Variants in UPP2 observed in about 807,000 individuals in gnomAD.
The protein encoded by UPP2 is UPase 2.
In UPP2, 23 loss-of-function variants were observed where a neutral mutation model predicts 26.7. The observed-to-expected ratio is 0.86, with a 90% CI of 0.62 to 1.22. UPP2 has a LOEUF of 1.22. UPP2 is among the 50% of genes most tolerant of loss of function. The pLI, the probability that UPP2 is intolerant of heterozygous loss-of-function variation, is 0.00. For missense variants in UPP2, 387 were observed against 396.7 expected (o/e 0.98, Z 0.21); for synonymous variants, 127 against 141.3 (o/e 0.90, Z 0.72).
chr2:158,068,660 G>A (rs757938426), intron 3 of UPP2, among the ~76,000 whole-genome samples: 5 of 149,804 alleles, frequency 3.3e-5, no homozygotes, highest in Non-Finnish European at 5.9e-5. Flanking sequence ...TGTGGGCCCA[G>A]CATATATTTG....
chr2:158,129,713 TA>T (rs35346642), intron 6 of UPP2, among the ~76,000 whole-genome samples: 4,849 of 146,360 alleles, frequency 0.033, 135 homozygotes, highest in East Asian at 0.15. Context: ...TAAACAGAGG[TA>T]AAAAAAAAAA....
intron 3 of UPP2, among the ~76,000 whole-genome samples, chr2:158,044,630 CTTAAA>C (rs1684125652): frequency 1.3e-5 from 2 of 152,104 alleles, no homozygotes; most frequent in African/African-American, 4.8e-5. Context: ...ATATAAAAGT[CTTAAA>C]TTAATGCTTA....
At chr2:158,059,276 C>A (rs560335654) in intron 3 of UPP2, among the ~76,000 whole-genome samples, 1 of 152,318 alleles carries the variant, frequency 6.6e-6, no homozygotes, top group Admixed American at 6.5e-5. Flanking sequence ...CAGCTCTAGC[C>A]ATATAATGAA....
At chr2:158,012,735 T>A (rs1228107535) in intron 2 of UPP2, among the ~76,000 whole-genome samples, 1 of 152,178 alleles carries the variant, frequency 6.6e-6, no homozygotes, top group Non-Finnish European at 1.5e-5. Flanking sequence ...TAGAAAATAC[T>A]AATACATAGA....
At chr2:158,000,899 A>G (rs889226486) in intron 2 of UPP2, among the ~76,000 whole-genome samples, 1 of 152,266 alleles carries the variant, frequency 6.6e-6, no homozygotes, top group African/African-American at 2.4e-5. Flanking sequence ...TGGATAAAAA[A>G]TTCTAAAATA....
chr2:158,120,355 T>C (rs62177927), intron 4 of UPP2, among the ~76,000 whole-genome samples: 69,231 of 151,804 alleles, frequency 0.46, 17,241 homozygotes, highest in Non-Finnish European at 0.54. Context: ...AAAACTTTAT[T>C]TACAAAGACA....
At chr2:158,046,378 C>T (rs542414878) in intron 3 of UPP2, among the ~76,000 whole-genome samples, 2 of 152,312 alleles carry the variant, frequency 1.3e-5, no homozygotes, top group South Asian at 2.1e-4. Flanking sequence ...TACAACTTCA[C>T]TTTTTACTCT....
intron 1 of UPP2, among the ~76,000 whole-genome samples, chr2:158,102,357 A>C (rs1410330439): frequency 6.6e-6 from 1 of 152,190 alleles, no homozygotes; most frequent in Non-Finnish European, 1.5e-5. Context: ...AAAATGGGGC[A>C]AAATAAATTA....
At chr2:158,115,298 G>A in intron 3 of UPP2, 39 bp downstream of exon 3, 1 of 1,527,604 alleles carries the variant, frequency 6.5e-7, no homozygotes, top group South Asian at 1.3e-5. Context: ...GTCATTGCAG[G>A]CTAGAGAAAA....
chr2:158,030,559 G>A (rs1683907209), intron 3 of UPP2, among the ~76,000 whole-genome samples: 1 of 152,104 alleles, frequency 6.6e-6, no homozygotes, highest in Non-Finnish European at 1.5e-5. Context: ...TTTCTGTTTG[G>A]GCAGAAACTT....
chr2:158,029,992 A>G (rs1683900685), intron 3 of UPP2, among the ~76,000 whole-genome samples: 1 of 152,202 alleles, frequency 6.6e-6, no homozygotes, highest in South Asian at 2.1e-4. Flanking sequence ...TTTTGAAAAC[A>G]CAAAATAGCA....
At chr2:158,109,819 T>A (rs1158079778) in intron 2 of UPP2, among the ~76,000 whole-genome samples, 1 of 152,220 alleles carries the variant, frequency 6.6e-6, no homozygotes, top group Non-Finnish European at 1.5e-5. Flanking sequence ...CCTTAGAAGT[T>A]ATCTATTCAA....
At position 158,128,676 on chromosome 2, in the gene UPP2, C is replaced by T. The variant is rs1683742849; in HGVS notation, c.811+4781C>T. Reference sequence around the variant, plus strand: ...TGACTCAGGCAGCTTTGCACCCTGCCTGCCATTTCTTGCCAGCAGCCTCCG... The same window carrying T: ...TGACTCAGGCAGCTTTGCACCCTGCTTGCCATTTCTTGCCAGCAGCCTCCG... On this transcript the variant is annotated intron_variant, in intron 6 of 6. Transcript: ENST00000005756. Among the ~76,000 whole-genome samples, 4 of 152,308 alleles carry T rather than the reference C, an allele frequency of 2.6e-5. No homozygotes were observed. In the South Asian group the frequency reaches 8.3e-4, roughly 32 times the overall value.
chr2:158,108,624 C>G (rs1188584490), intron 2 of UPP2, among the ~76,000 whole-genome samples: 1 of 151,838 alleles, frequency 6.6e-6, no homozygotes, highest in Non-Finnish European at 1.5e-5. Flanking sequence ...CACACATACG[C>G]ACACACACAT....
At chr2:158,097,967 A>G (rs950970021), upstream of UPP2, among the ~76,000 whole-genome samples, 1 of 152,158 alleles carries the variant, frequency 6.6e-6, no homozygotes, top group African/African-American at 2.4e-5. Flanking sequence ...GAGTTAGAGT[A>G]GGAAATTAGA....
intron 3 of UPP2, among the ~76,000 whole-genome samples, chr2:158,061,432 T>C (rs1269428276): frequency 6.6e-6 from 1 of 152,208 alleles, no homozygotes; most frequent in Admixed American, 6.5e-5. Context: ...AGATTTCTTT[T>C]CTAAAGGGTC....
Position 158,101,932 on chromosome 2 carries a change from C to A in UPP2, c.-132C>A. 2.9e-6 allele frequency: 4 copies of A among 1,374,964 alleles called. No homozygotes were observed. Among genetic ancestry groups the A allele is most frequent in the Non-Finnish European group, 2.8e-6 (3 of 1,061,954 alleles). 85.2% of individuals were successfully genotyped at this position (1,374,964 alleles called of 1,614,324 possible). On this transcript the variant is annotated 5_prime_UTR_variant, in exon 1 of 7. Coordinates refer to ENST00000005756, the MANE Select transcript of UPP2 (RefSeq NM_173355.4). Reference sequence around the variant, plus strand: ...TTTCTTAGCAATTTCACAGGAAAACCTAAGTTTTAAGAGAGGTTATCATTC... The same window carrying A: ...TTTCTTAGCAATTTCACAGGAAAACATAAGTTTTAAGAGAGGTTATCATTC...
chr2:158,077,031 C>T (rs1368605632), intron 3 of UPP2, among the ~76,000 whole-genome samples: 1 of 151,798 alleles, frequency 6.6e-6, no homozygotes, highest in Non-Finnish European at 1.5e-5. Context: ...CAACAGTGAA[C>T]AATGTGAAAA....
chr2:158,025,185 G>A (rs1558907082), intron 3 of UPP2, among the ~76,000 whole-genome samples: 2 of 141,216 alleles, frequency 1.4e-5, no homozygotes, highest in Non-Finnish European at 3.0e-5. Flanking sequence ...CTGGGTGACA[G>A]AGCAAGACTC....
Sources: gnomAD v4.1 joint callset for allele counts (sites outside exome capture counted in the v4.1 genomes callset) on GRCh38, gnomAD v4.1.1 for gene constraint, MANE v1.5 for transcripts, NCBI Gene and HGNC (gene_info 2026-07-23, HGNC 2026-07-21) for gene names.